The following IQGAP1 variants were observed in gnomAD, a reference collection of about 807,000 sequenced individuals.
IQGAP1 encodes the protein ras GTPase-activating-like protein IQGAP1.
A neutral mutation model predicts 215.6 loss-of-function variants in IQGAP1; 66 were observed. That is an observed-to-expected ratio of 0.31 (90% CI 0.25 to 0.38). The LOEUF (loss-of-function observed/expected upper bound fraction) is 0.38. Ranked by LOEUF, IQGAP1 falls within the 10% of genes least tolerant of loss-of-function variation. The pLI is 1.00. For synonymous variants in IQGAP1, 772 were observed against 728.7 expected, an observed-to-expected ratio of 1.06 and a Z score of -0.96; for missense variants, 1,712 against 1,997.1, an observed-to-expected ratio of 0.86 and a Z score of 2.72.
intron 2 of IQGAP1, 191 bp downstream of exon 2, chr15:90,391,064 C>T: frequency 2.1e-6 from 1 of 480,784 alleles, no homozygotes; most frequent in Non-Finnish European, 3.8e-6. Context: ...AGTGACACCC[C>T]ATCTCTACAA....
intron 2 of IQGAP1, among the ~76,000 whole-genome samples, chr15:90,414,936 G>T (rs1349649236): frequency 2.6e-5 from 4 of 152,086 alleles, no homozygotes; most frequent in Admixed American, 1.3e-4. Flanking sequence ...AGTCATCCAT[G>T]CCGCAAGTCA....
chr15:90,429,674 A>G lies in IQGAP1; in HGVS notation c.390+8A>G. 6.4e-7 allele frequency: 1 copy of G among 1,574,156 alleles called. No individual in the cohort carries two copies. Among genetic ancestry groups the G allele is most frequent in the Non-Finnish European group, 8.7e-7 (1 of 1,151,378 alleles). ...GAGATTGGATTGCCTAAGGTAACTT[A>G]CCTGAGATAATAGTTTAGGCTTTGT... On this transcript the variant is annotated splice_region_variant and intron_variant, in intron 4 of 37. Transcript: ENST00000268182.
At chr15:90,482,558 G>A (rs1966074065) in intron 28 of IQGAP1, 1 of 435,274 alleles carries the variant, frequency 2.3e-6, no homozygotes, top group Non-Finnish European at 4.1e-6. Context: ...CTGTAGTATT[G>A]TTCCCTCTGC....
Position 90,429,603 on chromosome 15 carries a change from C to G in IQGAP1, c.327C>G (p.His109Gln), listed in dbSNP as rs375124901. Residue 109 changes from histidine to glutamine, a missense_variant, in exon 4 of 38, where the codon CAC (histidine) becomes CAG (glutamine). Coordinates refer to ENST00000268182, the MANE Select transcript of IQGAP1 (RefSeq NM_003870.4). The stretch of plus-strand genomic sequence containing the variant: ...TTTTTTTCTAGGCGACTGGCCTCCA[C>G]TTTAGACACACTGATAATGTGATTC... ...EQTRYKATGL[H>Q]FRHTDNVIQW... is the part of the protein sequence containing the mutation. 7 of 1,604,754 alleles carry G rather than the reference C, an allele frequency of 4.4e-6. No individual in the cohort carries two copies. Among genetic ancestry groups the G allele is most frequent in the Non-Finnish European group, 4.2e-6 (5 of 1,177,152 alleles).
At chr15:90,465,072 G>C (rs1965812281) in intron 15 of IQGAP1, among the ~76,000 whole-genome samples, 1 of 152,160 alleles carries the variant, frequency 6.6e-6, no homozygotes, top group African/African-American at 2.4e-5. Flanking sequence ...TTTGTTAGCT[G>C]TACTAAGGAA....
intron 29 of IQGAP1, 130 bp downstream of exon 29, chr15:90,483,723 C>T: frequency 3.1e-6 from 2 of 645,726 alleles, no homozygotes; most frequent in Non-Finnish European, 5.3e-6. Context: ...TTTGATGTGC[C>T]CAGGATTCCA....
intron 5 of IQGAP1, among the ~76,000 whole-genome samples, chr15:90,438,530 A>T (rs563018091): frequency 3.7e-4 from 56 of 152,244 alleles, no homozygotes; most frequent in African/African-American, 1.3e-3. Flanking sequence ...AAATATATGA[A>T]ATATTCTTTA....
At chr15:90,417,893 C>A (rs1217394023) in intron 2 of IQGAP1, among the ~76,000 whole-genome samples, 2 of 152,130 alleles carry the variant, frequency 1.3e-5, no homozygotes, top group African/African-American at 4.8e-5. Flanking sequence ...TTTCATTGAG[C>A]AGTGGTTTGT....
Position 90,474,091 on chromosome 15 carries a change from T to C in IQGAP1, c.2533T>C (p.Phe845Leu). Residue 845 changes from phenylalanine (F) to leucine (L), a missense_variant, in exon 22 of 38, where the codon TTT becomes CTT. Coordinates refer to ENST00000268182, the MANE Select transcript of IQGAP1 (RefSeq NM_003870.4). ...HINDIIKIQA[F>L]IRANKARDDY... ...AAATGACATTATCAAAATCCAGGCT[T>C]TTATTCGGGCAAACAAAGCTCGGGA... The C allele has an allele frequency of 1.2e-6, 2 of 1,613,420 alleles. No homozygotes were observed. Among genetic ancestry groups the C allele is most frequent in the African/African-American group, 1.3e-5 (1 of 74,928 alleles).
chr15:90,496,191 C>T (rs1459485814), intron 36 of IQGAP1, among the ~76,000 whole-genome samples: 1 of 151,470 alleles, frequency 6.6e-6, no homozygotes, highest in Non-Finnish European at 1.5e-5. Context: ...TCTCAGTGAC[C>T]TTTTTGCATC....
chr15:90,405,924 G>A (rs1964871376), intron 2 of IQGAP1, among the ~76,000 whole-genome samples: 1 of 152,000 alleles, frequency 6.6e-6, no homozygotes, highest in Admixed American at 6.6e-5. Flanking sequence ...TGTGTTTTAT[G>A]ATAGTTAGTT....
intron 6 of IQGAP1, among the ~76,000 whole-genome samples, chr15:90,440,017 A>C (rs932677837): frequency 1.3e-5 from 2 of 152,218 alleles, no homozygotes; most frequent in Admixed American, 6.5e-5. Flanking sequence ...TTTGTCCATG[A>C]TATTTTTTCC....
chr15:90,447,071 A>G (rs911307538), intron 9 of IQGAP1, among the ~76,000 whole-genome samples: 13 of 152,362 alleles, frequency 8.5e-5, no homozygotes, highest in African/African-American at 3.1e-4. Flanking sequence ...GTCCCTAGCT[A>G]CTATGAAAGC....
intron 2 of IQGAP1, among the ~76,000 whole-genome samples, chr15:90,400,692 A>G (rs2151003138): frequency 6.6e-6 from 1 of 152,272 alleles, no homozygotes; most frequent in Middle Eastern, 3.4e-3. Context: ...TTTGGCATGT[A>G]TTTCTTCTGG....
At position 90,483,389 on chromosome 15, in the gene IQGAP1, AC is replaced by A; in HGVS notation, c.3585del (p.Tyr1195Ter). On this transcript the variant is annotated frameshift_variant, in exon 29 of 38. Transcript: ENST00000268182. LOFTEE classifies it high-confidence loss of function. ...ATTGGTAACTTGCTTTATTATCGAT[AC>A]ATGAATCCAGCCATTGTTGCTCCTG... ...KIIGNLLYYR[Y>X]MNPAIVAPDA... The A allele has an allele frequency of 6.2e-7, 1 of 1,614,066 alleles. No individual in the cohort carries two copies. The highest frequency in any genetic ancestry group is 8.5e-7 in the Non-Finnish European group (1 of 1,179,908).
At chr15:90,462,209 G>C (rs569020071) in intron 15 of IQGAP1, among the ~76,000 whole-genome samples, 1 of 152,294 alleles carries the variant, frequency 6.6e-6, no homozygotes, top group African/African-American at 2.4e-5. Flanking sequence ...ACCTCCATGT[G>C]TGTATATGCA....
intron 8 of IQGAP1, among the ~76,000 whole-genome samples, chr15:90,442,081 A>C (rs1965458347): frequency 6.6e-6 from 1 of 152,206 alleles, no homozygotes; most frequent in African/African-American, 2.4e-5. Context: ...CATTAAAATT[A>C]ATAGTGCCCT....
At chr15:90,392,748 CTTT>C (rs10701656) in intron 2 of IQGAP1, among the ~76,000 whole-genome samples, 2 of 117,822 alleles carry the variant, frequency 1.7e-5, no homozygotes, top group Admixed American at 2.0e-4. Context: ...ATGTTTCTAT[CTTT>C]TTTTTTTTTT....
chr15:90,431,088 A>G (rs1469338902), intron 4 of IQGAP1: 1 of 149,086 alleles, frequency 6.7e-6, no homozygotes, highest in Admixed American at 6.7e-5. Context: ...ATGTAATTAT[A>G]TATTACGTAT....
Sources: allele counts gnomAD v4.1 joint callset (sites outside exome capture counted in the v4.1 genomes callset), GRCh38; gene constraint gnomAD v4.1.1; transcripts MANE v1.5; gene names NCBI Gene and HGNC (gene_info 2026-07-23, HGNC 2026-07-21).